RBPJ: variants seen among roughly 807,000 people sequenced by gnomAD.
The protein encoded by RBPJ is recombination signal binding protein for immunoglobulin kappa J region, also known as recombining binding protein suppressor of hairless.
RBPJ carries 9 observed loss-of-function variants against 67.8 expected under a neutral mutation model. That is an observed-to-expected ratio of 0.13 (90% CI 0.08 to 0.23). The LOEUF (loss-of-function observed/expected upper bound fraction) is 0.23. Ranked by LOEUF, RBPJ falls within the 10% of genes least tolerant of loss-of-function variation. The probability of loss-of-function intolerance (pLI) is 1.00; values close to 1 mark genes in which losing one functional copy is unlikely to be tolerated. For missense variants in RBPJ, 305 were observed against 595.6 expected, an observed-to-expected ratio of 0.51 and a Z score of 5.08; for synonymous variants, 198 against 203.3, an observed-to-expected ratio of 0.97 and a Z score of 0.22.
chr4:26,168,350 A>G (rs4352461), intron 1 of RBPJ, among the ~76,000 whole-genome samples: 31,066 of 151,970 alleles, frequency 0.2, 4,164 homozygotes, highest in African/African-American at 0.38. Flanking sequence ...TTGGCTGGAT[A>G]TGAAATTCTG....
At chr4:26,211,462 T>A (rs1718419437) in intron 1 of RBPJ, among the ~76,000 whole-genome samples, 1 of 152,208 alleles carries the variant, frequency 6.6e-6, no homozygotes, top group Non-Finnish European at 1.5e-5. Flanking sequence ...ATTTGCTCAT[T>A]TATATTTGAG....
intron 1 of RBPJ, among the ~76,000 whole-genome samples, chr4:26,375,288 C>CAAA (rs561305108): frequency 1.9e-5 from 2 of 102,898 alleles, no homozygotes; most frequent in Non-Finnish European, 4.0e-5. Flanking sequence ...GACCCTGTCT[C>CAAA]AAAAAAAAAA....
intron 1 of RBPJ, among the ~76,000 whole-genome samples, chr4:26,330,523 A>T (rs1387032217): frequency 6.6e-6 from 1 of 152,224 alleles, no homozygotes; most frequent in Non-Finnish European, 1.5e-5. Context: ...GTGGAATATG[A>T]AACACATATC....
chr4:26,415,219 T>G (rs1734444240), intron 3 of RBPJ, among the ~76,000 whole-genome samples: 1 of 152,218 alleles, frequency 6.6e-6, no homozygotes, highest in African/African-American at 2.4e-5. Context: ...AGTTCTGTAC[T>G]CTAAAAAGTA....
chr4:26,298,012 T>A (rs1265625278), intron 1 of RBPJ, among the ~76,000 whole-genome samples: 1 of 152,226 alleles, frequency 6.6e-6, no homozygotes. Context: ...AATTTTAAAA[T>A]GACAATTAGC....
chr4:26,161,606 T>C (rs191611912), upstream of RBPJ, among the ~76,000 whole-genome samples: 1 of 152,132 alleles, frequency 6.6e-6, no homozygotes, highest in Non-Finnish European at 1.5e-5. Flanking sequence ...GGAAAGTGGA[T>C]GGAGCTGTTA....
intron 2 of RBPJ, among the ~76,000 whole-genome samples, chr4:26,400,387 C>G (rs1732649796): frequency 6.6e-6 from 1 of 152,236 alleles, no homozygotes; most frequent in Non-Finnish European, 1.5e-5. Context: ...ACAGCGCAAT[C>G]TCTCCACAGC....
chr4:26,183,195 C>T (rs1219749453), intron 1 of RBPJ, among the ~76,000 whole-genome samples: 2 of 152,208 alleles, frequency 1.3e-5, no homozygotes, highest in Non-Finnish European at 2.9e-5. Flanking sequence ...TGTACACCAG[C>T]ATCACCATTC....
At chr4:26,250,293 C>T (rs1033745860) in intron 1 of RBPJ, among the ~76,000 whole-genome samples, 1 of 150,584 alleles carries the variant, frequency 6.6e-6, no homozygotes, top group African/African-American at 2.4e-5. Flanking sequence ...GTTTTCAAGG[C>T]TCATACATGT....
At chr4:26,282,315 G>A (rs181438631) in intron 1 of RBPJ, among the ~76,000 whole-genome samples, 37 of 151,348 alleles carry the variant, frequency 2.4e-4, no homozygotes, top group African/African-American at 2.4e-5. Flanking sequence ...GTCAAAATCC[G>A]CATGCTATTA....
chr4:26,220,444 A>G (rs1009769298), intron 1 of RBPJ, among the ~76,000 whole-genome samples: 1 of 152,216 alleles, frequency 6.6e-6, no homozygotes, highest in Non-Finnish European at 1.5e-5. Context: ...CTGGGCTCCT[A>G]CAATGGGCCA....
At chr4:26,410,146 G>A (rs1242645185) in intron 3 of RBPJ, 3 of 406,956 alleles carry the variant, frequency 7.4e-6, no homozygotes, top group East Asian at 7.7e-5. Flanking sequence ...GTGGTGGAGT[G>A]CACAGTGGGA....
chr4:26,273,981 T>C (rs1721002278), intron 1 of RBPJ, among the ~76,000 whole-genome samples: 1 of 152,226 alleles, frequency 6.6e-6, no homozygotes, highest in Non-Finnish European at 1.5e-5. Flanking sequence ...TCCATTCCCC[T>C]GCTGCCTATG....
intron 1 of RBPJ, among the ~76,000 whole-genome samples, chr4:26,232,404 C>A (rs1719320382): frequency 6.6e-6 from 1 of 152,086 alleles, no homozygotes; most frequent in Non-Finnish European, 1.5e-5. Flanking sequence ...CTCCTCCCAG[C>A]CCTTAATTAC....
chr4:26,145,762 C>T, the RBPJ span, among the ~76,000 whole-genome samples: 1 of 152,128 alleles, frequency 6.6e-6, no homozygotes, highest in Non-Finnish European at 1.5e-5. Context: ...TTCATTAGCT[C>T]TTTTGAGGAG....
intron 4 of RBPJ, among the ~76,000 whole-genome samples, chr4:26,416,049 GA>G (rs1253639750): frequency 6.6e-6 from 1 of 152,122 alleles, no homozygotes; most frequent in Admixed American, 6.5e-5. Flanking sequence ...ATACATTGTG[GA>G]AAGCATTTAT....
chr4:26,184,580 C>T (rs1297612457), intron 1 of RBPJ, among the ~76,000 whole-genome samples: 1 of 151,912 alleles, frequency 6.6e-6, no homozygotes, highest in Non-Finnish European at 1.5e-5. Context: ...GAAAGAAAGG[C>T]CCAAGGTCAA....
At chr4:26,317,625 TG>T (rs1051123287), upstream of RBPJ, among the ~76,000 whole-genome samples, 2 of 151,874 alleles carry the variant, frequency 1.3e-5, no homozygotes, top group African/African-American at 4.8e-5. Flanking sequence ...TTAAACCAGG[TG>T]GGAAATAAGA....
At chr4:26,116,506 C>T in the RBPJ span, among the ~76,000 whole-genome samples, 1 of 152,222 alleles carries the variant, frequency 6.6e-6, no homozygotes, top group Non-Finnish European at 1.5e-5. Flanking sequence ...GTCCGCCCAG[C>T]AGTTTCTGGA....
Sources: gnomAD v4.1 joint callset for allele counts (sites outside exome capture counted in the v4.1 genomes callset) on GRCh38, gnomAD v4.1.1 for gene constraint, MANE v1.5 for transcripts, NCBI Gene and HGNC (gene_info 2026-07-23, HGNC 2026-07-21) for gene names.